NF1: variants seen among roughly 807,000 people sequenced by gnomAD.
NF1 encodes neurofibromin.
NF1 carries 122 observed loss-of-function variants against 325.7 expected under a neutral mutation model. That is an observed-to-expected ratio of 0.37 (90% CI 0.32 to 0.44). The LOEUF (loss-of-function observed/expected upper bound fraction) is 0.44, where lower values mean the gene tolerates loss of function less well. Ranked by LOEUF, NF1 falls within the 20% of genes least tolerant of loss-of-function variation. The pLI, the probability that NF1 is intolerant of heterozygous loss-of-function variation, is 1.00. For missense variants in NF1, 2,140 were observed against 3,415.4 expected (o/e 0.63, Z 9.31); for synonymous variants, 1,091 against 1,186.0 (o/e 0.92, Z 1.65).
chr17:31,365,835 G>C (rs1175988003), intron 57 of NF1, among the ~76,000 whole-genome samples: 1 of 152,020 alleles, frequency 6.6e-6, no homozygotes, highest in Non-Finnish European at 1.5e-5. Flanking sequence ...GGACATTTGT[G>C]TGGAAGGATC....
rs532255761 is a variant in NF1, at chr17:31,267,589, C to T, written c.4835+2250C>T. On this transcript the variant is annotated intron_variant, in intron 36 of 57. Coordinates refer to ENST00000358273, the MANE Select transcript of NF1 (RefSeq NM_001042492.3). ...ATGAAGGTCTTGTCTGTCTGTATGC[C>T]GTCAGTTTTGTCAAAGAGCACTTGG... is the stretch of plus-strand genomic sequence containing the variant. 2.0e-4 allele frequency among the ~76,000 whole-genome samples: 30 copies of T among 152,216 alleles called. 1 individual carries two copies. Among genetic ancestry groups the T allele is most frequent in the Middle Eastern group, 3.4e-3 (1 of 294 alleles).
intron 52 of NF1, 61 bp from the exon 53 acceptor site, chr17:31,356,899 A>T (rs2070283541): frequency 2.5e-6 from 4 of 1,602,732 alleles, no homozygotes; most frequent in Non-Finnish European, 3.4e-6. Context: ...GTAACATTGA[A>T]ATAGTTAGGT....
intron 1 of NF1, chr17:31,136,536 C>G (rs1915796578): frequency 6.6e-6 from 1 of 152,024 alleles, no homozygotes; most frequent in Non-Finnish European, 1.5e-5. Context: ...TCACACAGTC[C>G]TGCTTCGTCT....
At chr17:31,217,273 A>G (rs2066834278) in intron 13 of NF1, among the ~76,000 whole-genome samples, 1 of 151,814 alleles carries the variant, frequency 6.6e-6, no homozygotes, top group Admixed American at 6.6e-5. Flanking sequence ...AGTTAGCAAA[A>G]TAAAATATGG....
At chr17:31,100,134 C>A (rs1233041527) in intron 1 of NF1, among the ~76,000 whole-genome samples, 2 of 151,912 alleles carry the variant, frequency 1.3e-5, no homozygotes, top group Non-Finnish European at 1.5e-5. Context: ...AGCCAAAAAA[C>A]CCAATTTAAA....
chr17:31,265,157 C>T, intron 35 of NF1, 72 bp from the exon 36 acceptor site: 2 of 1,023,622 alleles, frequency 2.0e-6, no homozygotes, highest in Non-Finnish European at 3.0e-6. Context: ...ATTGTTTATC[C>T]AATTATAGAC....
At chr17:31,185,485 A>G (rs1362836532) in intron 8 of NF1, among the ~76,000 whole-genome samples, 1 of 152,190 alleles carries the variant, frequency 6.6e-6, no homozygotes, top group Non-Finnish European at 1.5e-5. Context: ...AGGATGGGAA[A>G]TAAATCCGAG....
intron 8 of NF1, among the ~76,000 whole-genome samples, chr17:31,199,213 TACAG>T (rs2066484908): frequency 6.6e-6 from 1 of 152,180 alleles, no homozygotes; most frequent in African/African-American, 2.4e-5. Flanking sequence ...TGTCAGTGTT[TACAG>T]GTTTACATTT....
intron 1 of NF1, among the ~76,000 whole-genome samples, chr17:31,097,579 A>G (rs1911861104): frequency 6.6e-6 from 1 of 152,062 alleles, no homozygotes; most frequent in Non-Finnish European, 1.5e-5. Context: ...TTTGTTATGC[A>G]TATTGTGGAA....
intron 57 of NF1, among the ~76,000 whole-genome samples, chr17:31,366,378 T>C (rs948912392): frequency 6.6e-6 from 1 of 152,208 alleles, no homozygotes; most frequent in African/African-American, 2.4e-5. Flanking sequence ...CCATTTTTAT[T>C]TCTGGCCTTG....
intron 11 of NF1, among the ~76,000 whole-genome samples, 170 bp downstream of exon 11, chr17:31,201,655 G>T (rs908460398): frequency 2.0e-5 from 3 of 152,080 alleles, no homozygotes; most frequent in African/African-American, 7.2e-5. Context: ...ATAAATATTT[G>T]TATTTTTCAT....
intron 8 of NF1, among the ~76,000 whole-genome samples, chr17:31,198,798 A>G (rs778051453): frequency 2.0e-5 from 3 of 151,884 alleles, no homozygotes; most frequent in African/African-American, 4.8e-5. Flanking sequence ...TCTTCTTTAC[A>G]GTAGAGATGG....
chr17:31,236,112 C>T (rs2067199538), intron 29 of NF1, 91 bp downstream of exon 29: 5 of 886,996 alleles, frequency 5.6e-6, no homozygotes, highest in Admixed American at 4.0e-5. Context: ...AAGGCACCTT[C>T]TCCCCTTGAT....
At chr17:31,110,250 AC>A (rs1398800559) in intron 1 of NF1, among the ~76,000 whole-genome samples, 6 of 152,232 alleles carry the variant, frequency 3.9e-5, no homozygotes, top group Non-Finnish European at 1.5e-5. Context: ...AAAAATCAAT[AC>A]TAAAAAAAAT....
At chr17:31,102,885 G>A in intron 1 of NF1, among the ~76,000 whole-genome samples, 1 of 145,090 alleles carries the variant, frequency 6.9e-6, no homozygotes. Context: ...TCGCTCTATT[G>A]CCCAGGTTGG....
intron 22 of NF1, 115 bp from the exon 23 acceptor site, chr17:31,230,145 T>G (rs1182978695): frequency 7.0e-7 from 1 of 1,423,032 alleles, no homozygotes; most frequent in Admixed American, 1.9e-5. Context: ...TAAATAAATA[T>G]CTTATTGTTT....
At chr17:31,275,252 TG>T (rs1354177167) in intron 36 of NF1, among the ~76,000 whole-genome samples, 1 of 152,206 alleles carries the variant, frequency 6.6e-6, no homozygotes, top group Non-Finnish European at 1.5e-5. Flanking sequence ...CACCATGGTC[TG>T]AAAATACTCA....
intron 30 of NF1, chr17:31,251,396 T>G (rs1423653012): frequency 5.0e-6 from 1 of 200,500 alleles, no homozygotes; most frequent in Non-Finnish European, 1.0e-5. Context: ...AATCATGTGT[T>G]AACCAGCTCT....
chr17:31,208,319 T>A (rs903995162), intron 12 of NF1, among the ~76,000 whole-genome samples: 15 of 152,230 alleles, frequency 9.9e-5, no homozygotes, highest in Non-Finnish European at 1.9e-4. Flanking sequence ...GCTTTTGGGC[T>A]GATATTACCA....
Sources: allele counts gnomAD v4.1 joint callset (sites outside exome capture counted in the v4.1 genomes callset), GRCh38; gene constraint gnomAD v4.1.1; transcripts MANE v1.5; gene names NCBI Gene and HGNC (gene_info 2026-07-23, HGNC 2026-07-21).